Variants in XYLB observed in about 807,000 individuals in gnomAD.
XYLB encodes the protein xylulokinase, also known as xylulose kinase.
In XYLB, 62 loss-of-function variants were observed where a neutral mutation model predicts 78.7. The ratio of observed to expected loss-of-function variants is 0.79; its 90% CI spans 0.64 to 0.97. The LOEUF (loss-of-function observed/expected upper bound fraction) is 0.97, where lower values mean the gene tolerates loss of function less well. Ranked by LOEUF, XYLB falls within the 50% of genes least tolerant of loss-of-function variation. XYLB has a pLI of 0.00. For synonymous variants in XYLB, 245 were observed against 247.4 expected (o/e 0.99, Z 0.09); for missense variants, 687 against 676.8 (o/e 1.02, Z -0.17).
rs148209775 is a variant in XYLB, at chr3:38,377,505, C to T, written c.1194+514C>T. Among the ~76,000 whole-genome samples, 1,080 of 149,566 alleles carry T rather than the reference C, an allele frequency of 7.2e-3. 9 individuals are homozygous for T. Among genetic ancestry groups the T allele is most frequent in the African/African-American group, 0.024 (985 of 40,428 alleles). On this transcript the variant is annotated intron_variant, in intron 14 of 18. Coordinates refer to ENST00000207870, the MANE Select transcript of XYLB (RefSeq NM_005108.4). ...CTCTGTTGCCCAGGCTTGAGTGCAG[C>T]GGGACGATCTCGGCTCACTGCAACC...
intron 18 of XYLB, among the ~76,000 whole-genome samples, chr3:38,410,372 C>T (rs1708523440): frequency 6.6e-6 from 1 of 152,226 alleles, no homozygotes; most frequent in African/African-American, 2.4e-5. Context: ...ACACCTTATA[C>T]AAAAATCAAT....
intron 2 of XYLB, among the ~76,000 whole-genome samples, chr3:38,358,427 C>G (rs1705796434): frequency 6.8e-6 from 1 of 147,992 alleles, no homozygotes; most frequent in South Asian, 2.2e-4. Flanking sequence ...TCATTGCATC[C>G]TCCGCCTCCT....
downstream of XYLB, among the ~76,000 whole-genome samples, chr3:38,417,503 T>A (rs1184633520): frequency 6.6e-6 from 1 of 152,166 alleles, no homozygotes. Context: ...ACTAATGGCA[T>A]TAACCTGGAT....
At chr3:38,443,623 G>T in the XYLB span, among the ~76,000 whole-genome samples, 3 of 152,208 alleles carry the variant, frequency 2.0e-5, no homozygotes, top group South Asian at 6.2e-4. Flanking sequence ...GAACACTGAG[G>T]TTGCCATGTT....
At chr3:38,442,719 C>A in the XYLB span, among the ~76,000 whole-genome samples, 1 of 90,908 alleles carries the variant, frequency 1.1e-5, no homozygotes, top group African/African-American at 5.1e-5. Flanking sequence ...GGGACTGCTG[C>A]ATTTTTTTTT....
chr3:38,385,078 G>A (rs1218039691), intron 15 of XYLB, among the ~76,000 whole-genome samples: 1 of 152,112 alleles, frequency 6.6e-6, no homozygotes, highest in East Asian at 1.9e-4. Context: ...TCAGCTCACT[G>A]CAACCTTCGC....
At chr3:38,410,130 A>G (rs1708510713) in intron 18 of XYLB, among the ~76,000 whole-genome samples, 1 of 152,244 alleles carries the variant, frequency 6.6e-6, no homozygotes, top group Non-Finnish European at 1.5e-5. Flanking sequence ...CTGACTTCAA[A>G]CTATACTACA....
At chr3:38,367,631 C>G (rs962599202) in intron 7 of XYLB, among the ~76,000 whole-genome samples, 5 of 152,208 alleles carry the variant, frequency 3.3e-5, no homozygotes, top group African/African-American at 1.2e-4. Flanking sequence ...TGATAACATT[C>G]TCTCCACAGT....
chr3:38,376,135 C>G lies in XYLB; in HGVS notation c.1023C>G (p.Leu341=). The G allele has an allele frequency of 6.2e-7, 1 of 1,613,872 alleles. No individual in the cohort carries two copies. The highest frequency in any genetic ancestry group is 8.5e-7 in the Non-Finnish European group (1 of 1,179,744). The part of the protein sequence containing the change: ...MALLCFKNGS[L]MREKIRNESV... ...TCTGCAGCTTTAAAAATGGCTCCCTCATGAGAGAGAAGATCCGCAACGAGT... is the reference window on the plus strand; with the variant it reads ...TCTGCAGCTTTAAAAATGGCTCCCTGATGAGAGAGAAGATCCGCAACGAGT... The change falls in exon 13 of 19, where the codon CTC becomes CTG. Residue 341 remains leucine (L), a synonymous_variant. Transcript: ENST00000207870.
the XYLB span, among the ~76,000 whole-genome samples, chr3:38,433,625 T>C: frequency 2.0e-5 from 3 of 152,228 alleles, no homozygotes; most frequent in African/African-American, 7.2e-5. Flanking sequence ...GCCAGTCTCT[T>C]TGCTAAAGCA....
chr3:38,350,958 A>G (rs1223721781), intron 2 of XYLB, among the ~76,000 whole-genome samples: 3 of 151,866 alleles, frequency 2.0e-5, no homozygotes, highest in Non-Finnish European at 4.4e-5. Context: ...CCTGGCCAAC[A>G]TGGTGAAACC....
chr3:38,392,796 T>C (rs1407075798), intron 15 of XYLB, among the ~76,000 whole-genome samples: 2 of 152,248 alleles, frequency 1.3e-5, no homozygotes, highest in Non-Finnish European at 2.9e-5. Flanking sequence ...TGCTTATTTA[T>C]AGTGTCAGCA....
At chr3:38,404,141 C>T (rs1040806645) in intron 18 of XYLB, among the ~76,000 whole-genome samples, 1 of 152,180 alleles carries the variant, frequency 6.6e-6, no homozygotes, top group African/African-American at 2.4e-5. Context: ...GAAATCAAAG[C>T]CCCTTAGCTT....
At chr3:38,402,808 T>G (rs187596764) in intron 18 of XYLB, among the ~76,000 whole-genome samples, 25 of 152,368 alleles carry the variant, frequency 1.6e-4, no homozygotes, top group Non-Finnish European at 1.8e-4. Flanking sequence ...TCTGGTCATC[T>G]TCCCTGCAAT....
intron 17 of XYLB, among the ~76,000 whole-genome samples, chr3:38,397,971 A>T (rs1043130076): frequency 6.6e-6 from 1 of 150,846 alleles, no homozygotes; most frequent in Non-Finnish European, 1.5e-5. Flanking sequence ...GGTGCCTGCC[A>T]CCATGCCCAG....
intron 2 of XYLB, chr3:38,355,835 A>G (rs1477997857): frequency 8.5e-6 from 6 of 702,798 alleles, no homozygotes; most frequent in Admixed American, 4.0e-5. Flanking sequence ...CTCCCCACTC[A>G]TGTTCCTAAC....
At chr3:38,419,169 C>A (rs1455927840), downstream of XYLB, among the ~76,000 whole-genome samples, 1 of 152,120 alleles carries the variant, frequency 6.6e-6, no homozygotes, top group Admixed American at 6.5e-5. Flanking sequence ...GCTTATTCCA[C>A]TTCGTGTGAT....
At chr3:38,395,391 T>C (rs1707826495) in intron 15 of XYLB, 114 bp from the exon 16 acceptor site, 6 of 865,742 alleles carry the variant, frequency 6.9e-6, no homozygotes, top group African/African-American at 1.7e-5. Flanking sequence ...GTGTGATAAG[T>C]GGGAGGCATT....
In XYLB at chr3:38,395,519, A is replaced by C. The variant is rs146849044; in HGVS notation, c.1306A>C (p.Ile436Leu). 1.7e-5 allele frequency: 28 copies of C among 1,614,102 alleles called. No homozygotes were observed. Among genetic ancestry groups the C allele is most frequent in the Non-Finnish European group, 2.3e-5 (27 of 1,180,050 alleles). ...TTCCCTTGCAGTGTCCAAGACAAAG[A>C]TTTTGGCCACAGGAGGAGCATCTCA... ...LGYRVMSKTK[I>L]LATGGASHNR... Residue 436 changes from isoleucine to leucine, a missense_variant, in exon 16 of 19, where the codon ATT (isoleucine) becomes CTT (leucine). Coordinates refer to ENST00000207870, the MANE Select transcript of XYLB (RefSeq NM_005108.4).
Sources: gnomAD v4.1 joint callset for allele counts (sites outside exome capture counted in the v4.1 genomes callset) on GRCh38, gnomAD v4.1.1 for gene constraint, MANE v1.5 for transcripts, NCBI Gene and HGNC (gene_info 2026-07-23, HGNC 2026-07-21) for gene names.